Variants in BTF3L4 observed in about 807,000 individuals in gnomAD.
BTF3L4 encodes transcription factor BTF3 homolog 4.
Under a neutral mutation model 16.8 loss-of-function variants are expected in BTF3L4, and 6 were observed. The ratio of observed to expected loss-of-function variants is 0.36; its 90% CI spans 0.20 to 0.71. The LOEUF is 0.71. BTF3L4 is among the 30% of genes least tolerant of loss of function. The pLI is 0.58. For missense variants in BTF3L4, 92 were observed against 186.9 expected, an observed-to-expected ratio of 0.49 and a Z score of 2.96; for synonymous variants, 39 against 59.8, an observed-to-expected ratio of 0.65 and a Z score of 1.60.
chr1:52,063,009 G>T (rs1008898450), intron 2 of BTF3L4, among the ~76,000 whole-genome samples: 1 of 152,166 alleles, frequency 6.6e-6, no homozygotes, highest in African/African-American at 2.4e-5. Flanking sequence ...AGTAATGCTC[G>T]CTCATGCCCC....
intron 4 of BTF3L4, among the ~76,000 whole-genome samples, chr1:52,084,324 G>T (rs990148841): frequency 6.6e-6 from 1 of 152,150 alleles, no homozygotes; most frequent in Non-Finnish European, 1.5e-5. Flanking sequence ...TGTATTTTTA[G>T]TATACACAGG....
intron 2 of BTF3L4, chr1:52,060,371 T>C: frequency 2.3e-6 from 2 of 873,610 alleles, no homozygotes; most frequent in Non-Finnish European, 1.6e-6. Flanking sequence ...GTTACCTACT[T>C]GTACAGAGGT....
rs3991108 is a variant in BTF3L4 at position 52,088,913 on chromosome 1, A to AT, written c.*2173dup. On this transcript the variant is annotated 3_prime_UTR_variant, in exon 6 of 6. Transcript: ENST00000313334. ...TGTCTCAGCCTCCACAGTAGCTGGG[A>AT]TTTTTTTTTTTTTTTTTTGTATTTT... is the stretch of plus-strand genomic sequence containing the variant. The AT allele has an allele frequency of 0.11, 14,463 of 128,572 alleles. 969 individuals are homozygous for AT. The highest frequency in any genetic ancestry group is 0.18 in the African/African-American group (6,276 of 34,196). 8.0% of individuals were successfully genotyped at this position (128,572 alleles called of 1,614,324 possible).
At chr1:52,082,791 A>G (rs946504399) in intron 3 of BTF3L4, among the ~76,000 whole-genome samples, 2 of 152,048 alleles carry the variant, frequency 1.3e-5, no homozygotes, top group Non-Finnish European at 2.9e-5. Context: ...AAAGAATGGC[A>G]TGATTAGAAC....
chr1:52,079,061 T>C (rs531458153), intron 3 of BTF3L4, among the ~76,000 whole-genome samples: 19 of 152,230 alleles, frequency 1.2e-4, no homozygotes, highest in Non-Finnish European at 2.5e-4. Context: ...TTTATGACTT[T>C]AACAAGTTCC....
chr1:52,081,959 C>T (rs1037934402), intron 3 of BTF3L4, among the ~76,000 whole-genome samples: 1 of 152,186 alleles, frequency 6.6e-6, no homozygotes, highest in African/African-American at 2.4e-5. Flanking sequence ...CCTCTTCCCA[C>T]TGTCCATGGA....
intron 4 of BTF3L4, 146 bp downstream of exon 4, chr1:52,083,687 TGA>T: frequency 2.9e-6 from 2 of 693,360 alleles, no homozygotes. Flanking sequence ...CATAAAATTT[TGA>T]GTTTGTTTAA....
At chr1:52,061,183 C>G (rs181506650) in intron 2 of BTF3L4, among the ~76,000 whole-genome samples, 1 of 152,152 alleles carries the variant, frequency 6.6e-6, no homozygotes, top group Admixed American at 6.5e-5. Flanking sequence ...TATCACTAGG[C>G]GAAAAGGTAA....
At chr1:52,057,120 G>A (rs2124406463) in intron 1 of BTF3L4, among the ~76,000 whole-genome samples, 1 of 152,308 alleles carries the variant, frequency 6.6e-6, no homozygotes, top group East Asian at 1.9e-4. Context: ...AATGCAGGAG[G>A]AATACAAGTT....
rs1370257998 is a variant in BTF3L4, at chr1:52,059,886, C to G, written c.39C>G (p.Val13=). 1 of 1,612,276 alleles carries G rather than the reference C, an allele frequency of 6.2e-7. No individual in the cohort carries two copies. Among genetic ancestry groups the G allele is most frequent in the South Asian group, 1.1e-5 (1 of 90,842 alleles). ...QEKLAKLQAQ[V]RIGGKGTARR... ...AGTTAGCCAAACTTCAGGCTCAGGT[C>G]CGGATAGGGGGCAAGGTGAGTGTGG... Residue 13 remains valine (V), a synonymous_variant, in exon 2 of 6, where the codon GTC becomes GTG. Coordinates refer to ENST00000313334, the MANE Select transcript of BTF3L4 (RefSeq NM_152265.5).
intron 1 of BTF3L4, among the ~76,000 whole-genome samples, chr1:52,059,501 T>C (rs1686456931): frequency 2.0e-5 from 3 of 152,242 alleles, no homozygotes; most frequent in South Asian, 4.1e-4. Flanking sequence ...CTGGCTTGCC[T>C]ACAGAGATTT....
intron 3 of BTF3L4, among the ~76,000 whole-genome samples, chr1:52,074,700 G>C (rs1686885755): frequency 6.6e-6 from 1 of 151,270 alleles, no homozygotes; most frequent in African/African-American, 2.4e-5. Flanking sequence ...GTAGAGATGG[G>C]TTTTCACTGT....
intron 2 of BTF3L4, chr1:52,060,350 C>T: frequency 1.6e-6 from 1 of 614,690 alleles, no homozygotes; most frequent in Non-Finnish European, 2.4e-6. Flanking sequence ...GTTACTTTGT[C>T]TTGACTGGAT....
At chr1:52,059,271 A>G (rs1189293845) in intron 1 of BTF3L4, among the ~76,000 whole-genome samples, 1 of 152,212 alleles carries the variant, frequency 6.6e-6, no homozygotes, top group Non-Finnish European at 1.5e-5. Flanking sequence ...TTATTAACAT[A>G]CCATCTGACC....
At chr1:52,064,221 C>G (rs1198347218) in intron 2 of BTF3L4, among the ~76,000 whole-genome samples, 1 of 152,184 alleles carries the variant, frequency 6.6e-6, no homozygotes, top group African/African-American at 2.4e-5. Flanking sequence ...CATATGTTAC[C>G]TCTTCAGAGG....
rs145268703 is a variant in BTF3L4 at position 52,061,170 on chromosome 1, A to G, written c.54+1269A>G. ...TGAGCTCTTGTTTAAAGGATAAACAATTTATCACTAGGCGAAAAGGTAATG... is the reference window on the plus strand; with the variant it reads ...TGAGCTCTTGTTTAAAGGATAAACAGTTTATCACTAGGCGAAAAGGTAATG... On this transcript the variant is annotated intron_variant, in intron 2 of 5. Coordinates refer to ENST00000313334, the MANE Select transcript of BTF3L4 (RefSeq NM_152265.5). Among the ~76,000 whole-genome samples the G allele has an allele frequency of 4.4e-3, 664 of 152,294 alleles. 2 individuals carry two copies. The highest frequency in any genetic ancestry group is 7.9e-3 in the South Asian group (38 of 4,830).
At chr1:52,070,777 A>G (rs953959141) in intron 3 of BTF3L4, among the ~76,000 whole-genome samples, 3 of 151,032 alleles carry the variant, frequency 2.0e-5, no homozygotes, top group Non-Finnish European at 4.4e-5. Context: ...GGCTGGGATT[A>G]TAGGCGCACC....
intron 3 of BTF3L4, among the ~76,000 whole-genome samples, chr1:52,074,467 G>A (rs1170397034): frequency 7.2e-5 from 11 of 152,030 alleles, no homozygotes; most frequent in African/African-American, 2.2e-4. Context: ...AGGTTCAAGC[G>A]ATTCTCCTGC....
intron 3 of BTF3L4, among the ~76,000 whole-genome samples, chr1:52,067,468 A>G (rs1325016330): frequency 2.0e-5 from 3 of 152,200 alleles, no homozygotes; most frequent in Non-Finnish European, 4.4e-5. Context: ...TGAGATACAG[A>G]TTAGAGCTTC....
Sources: gnomAD v4.1 joint callset for allele counts (sites outside exome capture counted in the v4.1 genomes callset) on GRCh38, gnomAD v4.1.1 for gene constraint, MANE v1.5 for transcripts, NCBI Gene and HGNC (gene_info 2026-07-23, HGNC 2026-07-21) for gene names.